CPNE4: variants seen among roughly 807,000 people sequenced by gnomAD.
CPNE4 encodes copine-4.
Under a neutral mutation model 67.9 loss-of-function variants are expected in CPNE4, and 25 were observed. That is an observed-to-expected ratio of 0.37 (90% CI 0.27 to 0.51). The LOEUF (loss-of-function observed/expected upper bound fraction) is 0.51, where lower values mean the gene tolerates loss of function less well. Among genes scored for constraint, CPNE4 ranks in the 20% least tolerant of loss-of-function variants. CPNE4 has a pLI of 0.93. For synonymous variants in CPNE4, 242 were observed against 244.9 expected (o/e 0.99, Z 0.11); for missense variants, 464 against 690.8 (o/e 0.67, Z 3.68).
intron 2 of CPNE4, among the ~76,000 whole-genome samples, chr3:131,885,010 A>C (rs1180341475): frequency 6.6e-6 from 1 of 152,222 alleles, no homozygotes; most frequent in Non-Finnish European, 1.5e-5. Flanking sequence ...ATACCCAAAA[A>C]TATGGAAGCA....
intron 1 of CPNE4, among the ~76,000 whole-genome samples, chr3:131,911,866 G>T (rs942060607): frequency 6.6e-6 from 1 of 152,214 alleles, no homozygotes; most frequent in Middle Eastern, 3.4e-3. Context: ...GACTTTGGAG[G>T]TGGTACACAG....
At chr3:131,574,991 T>C (rs2107681779) in intron 10 of CPNE4, 80 bp downstream of exon 10, 1 of 1,209,536 alleles carries the variant, frequency 8.3e-7, no homozygotes, top group Non-Finnish European at 1.2e-6. Flanking sequence ...CTTTTGTCTC[T>C]TTATCCCCCA....
intron 1 of CPNE4, among the ~76,000 whole-genome samples, chr3:131,960,719 A>T (rs115837874): frequency 4.1e-4 from 62 of 152,282 alleles, no homozygotes; most frequent in African/African-American, 1.5e-3. Flanking sequence ...GGACTCCCCA[A>T]AGAGCTGGAT....
chr3:131,826,282 A>G (rs1208259490), intron 2 of CPNE4, among the ~76,000 whole-genome samples: 3 of 151,900 alleles, frequency 2.0e-5, no homozygotes, highest in Non-Finnish European at 4.4e-5. Context: ...CATCCCCTCC[A>G]CCCACCAGAC....
intron 6 of CPNE4, among the ~76,000 whole-genome samples, chr3:131,682,789 A>T (rs578060523): frequency 2.5e-4 from 38 of 152,132 alleles, no homozygotes; most frequent in Admixed American, 7.2e-4. Context: ...TTGGAGTCGG[A>T]AACCTTAGGA....
chr3:131,956,774 A>G (rs188596155), intron 1 of CPNE4, among the ~76,000 whole-genome samples: 1 of 152,316 alleles, frequency 6.6e-6, no homozygotes, highest in Non-Finnish European at 1.5e-5. Context: ...ATTATGAGAA[A>G]ATACTTTGTG....
chr3:131,760,076 A>G (rs905906349), intron 2 of CPNE4, among the ~76,000 whole-genome samples: 1 of 152,182 alleles, frequency 6.6e-6, no homozygotes, highest in Non-Finnish European at 1.5e-5. Flanking sequence ...CTTAGTAACA[A>G]CTTTGTTTGT....
At chr3:131,909,635 AG>A (rs1400671025) in intron 1 of CPNE4, among the ~76,000 whole-genome samples, 1 of 152,172 alleles carries the variant, frequency 6.6e-6, no homozygotes, top group Admixed American at 6.6e-5. Flanking sequence ...GAAATAGCAG[AG>A]GTGACACATT....
intron 1 of CPNE4, among the ~76,000 whole-genome samples, chr3:131,927,786 A>G (rs2070939471): frequency 6.6e-6 from 1 of 152,108 alleles, no homozygotes; most frequent in South Asian, 2.1e-4. Context: ...CATCGCCACC[A>G]TGGTTTTCTG....
At chr3:131,892,507 G>A (rs908012168) in intron 2 of CPNE4, among the ~76,000 whole-genome samples, 1 of 152,042 alleles carries the variant, frequency 6.6e-6, no homozygotes, top group African/African-American at 2.4e-5. Context: ...AAACTCACCA[G>A]CAGAGGTCAA....
intron 7 of CPNE4, among the ~76,000 whole-genome samples, chr3:131,617,927 A>C (rs891162866): frequency 1.3e-5 from 2 of 152,136 alleles, no homozygotes; most frequent in African/African-American, 4.8e-5. Flanking sequence ...TTCATTCATT[A>C]ATTTCTTCAT....
At chr3:131,963,045 A>G (rs1471932600) in intron 1 of CPNE4, among the ~76,000 whole-genome samples, 1 of 152,046 alleles carries the variant, frequency 6.6e-6, no homozygotes, top group Non-Finnish European at 1.5e-5. Context: ...TTTCCAACAG[A>G]GGTACCCGGT....
At chr3:131,537,293 T>TC (rs1326710698) in intron 15 of CPNE4, among the ~76,000 whole-genome samples, 7 of 148,422 alleles carry the variant, frequency 4.7e-5, no homozygotes, top group Admixed American at 6.7e-5. Context: ...GTTTTTTTTT[T>TC]TTTTTTTTGA....
chr3:131,995,899 C>T (rs2073278705), intron 1 of CPNE4, among the ~76,000 whole-genome samples: 3 of 152,146 alleles, frequency 2.0e-5, no homozygotes, highest in Non-Finnish European at 4.4e-5. Flanking sequence ...TCCGAACTTG[C>T]AGTATTTCAT....
At chr3:131,751,982 C>A (rs2082640877) in intron 2 of CPNE4, among the ~76,000 whole-genome samples, 1 of 151,870 alleles carries the variant, frequency 6.6e-6, no homozygotes, top group African/African-American at 2.4e-5. Flanking sequence ...GTAGGGATGG[C>A]CTCATTACTA....
chr3:131,601,944 A>G (rs1277435322), intron 7 of CPNE4, among the ~76,000 whole-genome samples: 1 of 152,184 alleles, frequency 6.6e-6, no homozygotes, highest in Non-Finnish European at 1.5e-5. Context: ...AGATCATTCT[A>G]TTCCTCTGGG....
chr3:131,684,547 T>A (rs749209593), intron 6 of CPNE4, among the ~76,000 whole-genome samples: 1 of 152,220 alleles, frequency 6.6e-6, no homozygotes, highest in African/African-American at 2.4e-5. Flanking sequence ...TTTTTGTCTA[T>A]CATAACAATG....
chr3:131,848,110 T>G (rs940409420), intron 2 of CPNE4, among the ~76,000 whole-genome samples: 2 of 152,182 alleles, frequency 1.3e-5, no homozygotes. Context: ...TATTGCCAGA[T>G]AAGTTTGAGT....
chr3:131,685,767 C>T (rs1427962056), intron 6 of CPNE4, 108 bp downstream of exon 6: 14 of 707,506 alleles, frequency 2.0e-5, no homozygotes, highest in East Asian at 1.7e-4. Context: ...GGTGACACAG[C>T]GAGACTCCAC....
Sources: gnomAD v4.1 joint callset for allele counts (sites outside exome capture counted in the v4.1 genomes callset) on GRCh38, gnomAD v4.1.1 for gene constraint, MANE v1.5 for transcripts, NCBI Gene and HGNC (gene_info 2026-07-23, HGNC 2026-07-21) for gene names.